The following PRKN variants were observed in gnomAD, a reference collection of about 807,000 sequenced individuals.
PRKN encodes the protein parkin RBR E3 ubiquitin protein ligase.
Under a neutral mutation model 59.5 loss-of-function variants are expected in PRKN, and 56 were observed. That is an observed-to-expected ratio of 0.94 (90% confidence interval 0.76 to 1.18). PRKN has a LOEUF of 1.18. Ranked by LOEUF, PRKN falls within the 50% of genes most tolerant of loss-of-function variation. PRKN has a pLI of 0.00. For synonymous variants in PRKN, 250 were observed against 222.1 expected (o/e 1.13, Z -1.12); for missense variants, 657 against 596.4 (o/e 1.10, Z -1.06).
At chr6:162,486,496 T>C (rs1277227447) in intron 1 of PRKN, among the ~76,000 whole-genome samples, 1 of 152,200 alleles carries the variant, frequency 6.6e-6, no homozygotes, top group Non-Finnish European at 1.5e-5. Flanking sequence ...TAATTAACAA[T>C]AATGCATCTG....
At chr6:161,727,877 A>T (rs1787511219) in intron 7 of PRKN, among the ~76,000 whole-genome samples, 1 of 152,198 alleles carries the variant, frequency 6.6e-6, no homozygotes, top group African/African-American at 2.4e-5. Flanking sequence ...CTTTTCTCTG[A>T]ATAACAAGAT....
At chr6:161,823,410 G>A (rs1792116635) in intron 6 of PRKN, among the ~76,000 whole-genome samples, 1 of 152,036 alleles carries the variant, frequency 6.6e-6, no homozygotes, top group African/African-American at 2.4e-5. Context: ...TGTGGCTATG[G>A]GTGTGATGGG....
intron 6 of PRKN, among the ~76,000 whole-genome samples, chr6:161,916,784 A>AT (rs1778574693): frequency 6.6e-6 from 1 of 151,554 alleles, no homozygotes; most frequent in East Asian, 1.9e-4. Context: ...TTAGTCTTTA[A>AT]TTTTAATTTT....
chr6:161,661,868 C>T (rs1165823246), intron 7 of PRKN, among the ~76,000 whole-genome samples: 1 of 151,946 alleles, frequency 6.6e-6, no homozygotes. Context: ...ACTAAAAATA[C>T]AAAAATTAGC....
Position 161,352,583 on chromosome 6 carries a change from G to A in PRKN, c.1286-2372C>T, listed in dbSNP as rs1312261727. The stretch of plus-strand genomic sequence containing the variant: ...ATATATCATTATTATATCATGTATC[G>A]TAAAATATATTCAATCAAAATTATT... On this transcript the variant is annotated intron_variant, in intron 11 of 11. Transcript: ENST00000366898. This position sits in a 1 kb window ranked among gnomAD's most constrained non-coding sequence, Gnocchi z 5.8. 4.0e-5 allele frequency among the ~76,000 whole-genome samples: 6 copies of A among 150,836 alleles called. No individual in the cohort carries two copies. The highest frequency in any genetic ancestry group is 7.4e-5 in the Non-Finnish European group (5 of 67,794).
intron 4 of PRKN, among the ~76,000 whole-genome samples, chr6:162,060,254 T>C (rs1196982789): frequency 2.0e-5 from 3 of 152,200 alleles, no homozygotes; most frequent in Non-Finnish European, 2.9e-5. Flanking sequence ...AATGAAAACC[T>C]TAGTGCTGTT....
intron 9 of PRKN, among the ~76,000 whole-genome samples, chr6:161,426,764 G>T (rs1470227876): frequency 6.6e-6 from 1 of 151,574 alleles, no homozygotes. Context: ...TGTCACCCAG[G>T]CTGGAGTGCA....
At chr6:162,162,425 G>A (rs1178331538) in intron 4 of PRKN, among the ~76,000 whole-genome samples, 3 of 152,104 alleles carry the variant, frequency 2.0e-5, no homozygotes, top group African/African-American at 7.2e-5. Flanking sequence ...CCAGCCACCC[G>A]ACAGACACTG....
rs563534284 is a variant in PRKN at position 161,910,136 on chromosome 6, G to C, written c.734+63166C>G. On this transcript the variant is annotated intron_variant, in intron 6 of 11. Transcript: ENST00000366898. ...TGTGACTGAATTGTGGCAATCTCATGATAAATCTTGAACAGTTTACTTCTT... is the reference window on the plus strand; with the variant it reads ...TGTGACTGAATTGTGGCAATCTCATCATAAATCTTGAACAGTTTACTTCTT... 1.3e-5 allele frequency among the ~76,000 whole-genome samples: 2 copies of C among 152,228 alleles called. 1 individual carries two copies. Among genetic ancestry groups the C allele is most frequent in the Admixed American group, 1.3e-4 (2 of 15,284 alleles).
chr6:161,696,611 AC>A (rs1298129073), intron 7 of PRKN, among the ~76,000 whole-genome samples: 1 of 152,212 alleles, frequency 6.6e-6, no homozygotes, highest in African/African-American at 2.4e-5. Context: ...AACAGCTTGC[AC>A]AGTATCATGC....
intron 1 of PRKN, among the ~76,000 whole-genome samples, chr6:162,596,446 T>A (rs1163146707): frequency 6.6e-6 from 1 of 152,208 alleles, no homozygotes; most frequent in Non-Finnish European, 1.5e-5. Flanking sequence ...TATAATTTGA[T>A]AAGTAGATCA....
intron 1 of PRKN, among the ~76,000 whole-genome samples, chr6:162,489,448 T>C (rs574408701): frequency 6.6e-5 from 10 of 152,176 alleles, no homozygotes; most frequent in Non-Finnish European, 8.8e-5. Context: ...TGAGGAAAGA[T>C]AGAAAATCTA....
At chr6:161,431,071 G>A (rs930396501) in intron 9 of PRKN, among the ~76,000 whole-genome samples, 8 of 150,640 alleles carry the variant, frequency 5.3e-5, no homozygotes, top group Admixed American at 1.3e-4. Flanking sequence ...CCTGGGGGGC[G>A]GAGGTTGAAA....
chr6:162,101,763 C>G (rs1370623029), intron 4 of PRKN, among the ~76,000 whole-genome samples: 1 of 152,098 alleles, frequency 6.6e-6, no homozygotes, highest in Non-Finnish European at 1.5e-5. Context: ...GATACTCTAA[C>G]TATGTGGTAT....
intron 6 of PRKN, among the ~76,000 whole-genome samples, chr6:161,876,067 T>C (rs1794721060): frequency 6.6e-6 from 1 of 152,136 alleles, no homozygotes; most frequent in South Asian, 2.1e-4. Context: ...AGCTACCAAA[T>C]ATAAATGGTT....
chr6:161,784,015 C>G (rs1204769920), intron 7 of PRKN, among the ~76,000 whole-genome samples: 1 of 152,046 alleles, frequency 6.6e-6, no homozygotes, highest in African/African-American at 2.4e-5. Context: ...AACTTAAAAC[C>G]TCACCATTGA....
At chr6:161,745,840 T>C (rs764327070) in intron 7 of PRKN, among the ~76,000 whole-genome samples, 14 of 152,206 alleles carry the variant, frequency 9.2e-5, no homozygotes, top group Non-Finnish European at 5.9e-5. Flanking sequence ...GCATGATTGT[T>C]GCAGCCTGGT....
intron 1 of PRKN, among the ~76,000 whole-genome samples, chr6:162,518,523 C>T (rs190194557): frequency 3.3e-5 from 5 of 152,158 alleles, no homozygotes; most frequent in East Asian, 1.9e-4. Flanking sequence ...GGTGCCACCA[C>T]GTATGGCTAA....
intron 1 of PRKN, among the ~76,000 whole-genome samples, chr6:162,496,519 T>A (rs1163877482): frequency 6.6e-6 from 1 of 152,138 alleles, no homozygotes; most frequent in Non-Finnish European, 1.5e-5. Context: ...AAACTTAGAT[T>A]CATTTAGAAA....
Sources: gnomAD v4.1 joint callset for allele counts (sites outside exome capture counted in the v4.1 genomes callset) on GRCh38, gnomAD v4.1.1 for gene constraint, Gnocchi (gnomAD v3.1) non-coding constraint, MANE v1.5 for transcripts, NCBI Gene and HGNC (gene_info 2026-07-23, HGNC 2026-07-21) for gene names.